Variants in STK32B observed in about 807,000 individuals in gnomAD.
STK32B encodes the protein serine/threonine-protein kinase 32B.
Under a neutral mutation model 52.6 loss-of-function variants are expected in STK32B, and 43 were observed. That is an observed-to-expected ratio of 0.82 (90% confidence interval 0.64 to 1.05). STK32B has a LOEUF of 1.05. Ranked by LOEUF, STK32B falls within the 50% of genes least tolerant of loss-of-function variation. The pLI, the probability that STK32B is intolerant of heterozygous loss-of-function variation, is 0.00. For missense variants in STK32B, 621 were observed against 534.6 expected, an observed-to-expected ratio of 1.16 and a Z score of -1.59; for synonymous variants, 238 against 204.3, an observed-to-expected ratio of 1.17 and a Z score of -1.41.
chr4:5,489,568 T>A (rs1719523527), intron 11 of STK32B, among the ~76,000 whole-genome samples: 1 of 152,174 alleles, frequency 6.6e-6, no homozygotes, highest in Non-Finnish European at 1.5e-5. Flanking sequence ...TAGACAATTA[T>A]GAAGACATTT....
chr4:5,372,906 A>C (rs1370073934), intron 4 of STK32B, among the ~76,000 whole-genome samples: 2 of 152,222 alleles, frequency 1.3e-5, no homozygotes, highest in Non-Finnish European at 1.5e-5. Flanking sequence ...GAGCCTCTTC[A>C]GGACATAAGA....
chr4:5,179,364 G>T (rs1264491471), intron 3 of STK32B, among the ~76,000 whole-genome samples: 1 of 152,106 alleles, frequency 6.6e-6, no homozygotes, highest in African/African-American at 2.4e-5. Context: ...TTTGGGTGGG[G>T]ACACAGCCAA....
intron 4 of STK32B, among the ~76,000 whole-genome samples, chr4:5,348,898 C>T (rs917317189): frequency 2.6e-5 from 4 of 152,196 alleles, no homozygotes; most frequent in Admixed American, 1.3e-4. Flanking sequence ...AACACTCCTT[C>T]CAGAGTCTGA....
chr4:5,020,089 G>T, the STK32B span, among the ~76,000 whole-genome samples: 503 of 152,274 alleles, frequency 3.3e-3, 3 homozygotes, highest in African/African-American at 0.011. Flanking sequence ...CCGTATGTGT[G>T]GGGAGTGTGA....
intron 5 of STK32B, among the ~76,000 whole-genome samples, chr4:5,405,470 G>T (rs554668225): frequency 6.6e-6 from 1 of 152,286 alleles, no homozygotes; most frequent in South Asian, 2.1e-4. Context: ...AATCCCCAAG[G>T]TGATGGTGTT....
chr4:5,364,338 A>G (rs1393299821), intron 4 of STK32B, among the ~76,000 whole-genome samples: 1 of 152,246 alleles, frequency 6.6e-6, no homozygotes, highest in African/African-American at 2.4e-5. Context: ...ATTGGGCCTC[A>G]GTGAAAGAGA....
At chr4:5,210,041 T>G (rs556211408) in intron 3 of STK32B, among the ~76,000 whole-genome samples, 18 of 152,292 alleles carry the variant, frequency 1.2e-4, no homozygotes, top group Admixed American at 6.5e-4. Context: ...AAGGCTTAAA[T>G]TGTGCGTCAT....
At chr4:5,244,545 T>G (rs1725302594) in intron 3 of STK32B, among the ~76,000 whole-genome samples, 1 of 152,204 alleles carries the variant, frequency 6.6e-6, no homozygotes, top group Non-Finnish European at 1.5e-5. Context: ...ATTCATTGAT[T>G]ATTTGAAGGG....
chr4:5,156,877 A>C (rs1402498613), intron 2 of STK32B, among the ~76,000 whole-genome samples: 1 of 152,156 alleles, frequency 6.6e-6, no homozygotes, highest in Non-Finnish European at 1.5e-5. Flanking sequence ...ATACCGCCTT[A>C]TTATGCAATG....
chr4:5,249,450 CCTTCCT>C (rs2108829798), intron 3 of STK32B, among the ~76,000 whole-genome samples: 2 of 36,612 alleles, frequency 5.5e-5, no homozygotes, highest in East Asian at 1.1e-3. Context: ...TACCTTCCTT[CCTTCCT>C]TCCTTCCTTC....
chr4:5,372,920 A>G (rs549245338), intron 4 of STK32B, among the ~76,000 whole-genome samples: 48 of 152,252 alleles, frequency 3.2e-4, no homozygotes, highest in Non-Finnish European at 5.7e-4. Context: ...CATAAGACCC[A>G]TGACCCAAAT....
chr4:5,074,426 G>A lies in STK32B; in HGVS notation c.52+22511G>A, dbSNP rs1711962432. Among the ~76,000 whole-genome samples, 11 of 151,772 alleles carry A rather than the reference G, an allele frequency of 7.2e-5. No individual in the cohort carries two copies. The South Asian group carries it at 2.1e-3, about 29-fold the overall frequency. ...GAAATTCCTCATGCCTTTGTCCACT[G>A]TATTTATTTTTTTCCTACAAATTCT... On this transcript the variant is annotated intron_variant, in intron 1 of 11. Transcript: ENST00000282908.
chr4:5,385,329 G>A lies in STK32B; in HGVS notation c.435-12878G>A, dbSNP rs367963490. Among the ~76,000 whole-genome samples, 5 of 152,066 alleles carry A rather than the reference G, an allele frequency of 3.3e-5. 1 individual carries two copies. The highest frequency in any genetic ancestry group is 4.1e-4 in the South Asian group (2 of 4,822). Reference sequence around the variant, plus strand: ...GAGGGAAGAAGTCAGATGGGGGGATGTGCCTGTGTTTAGGACAGGATTCCA... The same window carrying A: ...GAGGGAAGAAGTCAGATGGGGGGATATGCCTGTGTTTAGGACAGGATTCCA... On this transcript the variant is annotated intron_variant, in intron 4 of 11. Coordinates refer to ENST00000282908, the MANE Select transcript of STK32B (RefSeq NM_018401.3).
chr4:5,287,086 G>A (rs948323809), intron 3 of STK32B, among the ~76,000 whole-genome samples: 5 of 152,048 alleles, frequency 3.3e-5, no homozygotes, highest in African/African-American at 4.8e-5. Flanking sequence ...ATGAGCCACC[G>A]CGCCCAGCCA....
At chr4:5,244,139 G>A (rs529502077) in intron 3 of STK32B, among the ~76,000 whole-genome samples, 1 of 152,250 alleles carries the variant, frequency 6.6e-6, no homozygotes, top group East Asian at 1.9e-4. Context: ...GATTGGAATA[G>A]TTTCAGAAGT....
At chr4:5,393,098 G>C (rs1464874340) in intron 4 of STK32B, among the ~76,000 whole-genome samples, 5 of 152,112 alleles carry the variant, frequency 3.3e-5, no homozygotes, top group Non-Finnish European at 5.9e-5. Context: ...CTGATGGATG[G>C]GTGCCAAGTC....
rs78514373 is a variant in STK32B, at chr4:5,500,153, T to A, written c.*1070T>A. ...GCCTTTGAACTGGAAGATGTTGGGA[T>A]GAGCAGGGAAAGCTTAGACTTTGGA... On this transcript the variant is annotated 3_prime_UTR_variant, in exon 12 of 12. Coordinates refer to ENST00000282908, the MANE Select transcript of STK32B (RefSeq NM_018401.3). 1.4e-4 allele frequency: 22 copies of A among 152,358 alleles called. No homozygotes were observed. The East Asian group carries it at 4.2e-3, about 29-fold the overall frequency. The allele number at this position is 152,358 out of a possible 1,614,324, so 9.4% of individuals were successfully genotyped here.
chr4:5,215,317 T>C (rs1419328998), intron 3 of STK32B, among the ~76,000 whole-genome samples: 1 of 152,186 alleles, frequency 6.6e-6, no homozygotes, highest in East Asian at 1.9e-4. Context: ...TGGTTGGGAG[T>C]TTAAAGATCT....
intron 1 of STK32B, among the ~76,000 whole-genome samples, chr4:5,110,736 G>T (rs1170368620): frequency 6.6e-6 from 1 of 151,952 alleles, no homozygotes; most frequent in East Asian, 1.9e-4. Context: ...AAAAGTAAAT[G>T]TGACAAAACA....
Sources: gnomAD v4.1 joint callset for allele counts (sites outside exome capture counted in the v4.1 genomes callset) on GRCh38, gnomAD v4.1.1 for gene constraint, MANE v1.5 for transcripts, NCBI Gene and HGNC (gene_info 2026-07-23, HGNC 2026-07-21) for gene names.